Variants in TNKS observed in about 807,000 individuals in gnomAD.
TNKS encodes the protein tankyrase, also known as poly [ADP-ribose] polymerase tankyrase-1.
In TNKS, 72 loss-of-function variants were observed where a neutral mutation model predicts 135.8. The observed-to-expected ratio is 0.53, with a 90% CI of 0.44 to 0.64. TNKS has a LOEUF of 0.64. Ranked by LOEUF, TNKS falls within the 30% of genes least tolerant of loss-of-function variation. The pLI is 0.00. For missense variants in TNKS, 1,769 were observed against 1,674.0 expected, an observed-to-expected ratio of 1.06 and a Z score of -0.99; for synonymous variants, 849 against 649.3, an observed-to-expected ratio of 1.31 and a Z score of -4.68.
intron 17 of TNKS, chr8:9,741,120 T>A (rs954500145): frequency 6.6e-6 from 1 of 152,238 alleles, no homozygotes; most frequent in Non-Finnish European, 1.5e-5. Flanking sequence ...CTACATGTAA[T>A]TCTTGACCCT....
chr8:9,781,446 CCATT>C lies in TNKS; in HGVS notation c.*4713_*4716del, dbSNP rs1808453886. ...AGTTCAGGATGAAAGGCTAGAAAAC[CCATT>C]CAAAGTTAGGAAAGAACACAGATCT... On this transcript the variant is annotated 3_prime_UTR_variant, in exon 27 of 27. Transcript: ENST00000310430. 6.6e-6 allele frequency: 1 copy of C among 152,262 alleles called. No individual in the cohort carries two copies. Among genetic ancestry groups the C allele is most frequent in the African/African-American group, 2.4e-5 (1 of 41,532 alleles). The allele number at this position is 152,262 out of a possible 1,614,324, so 9.4% of individuals were successfully genotyped here.
At chr8:9,662,034 A>T (rs758460924) in intron 3 of TNKS, among the ~76,000 whole-genome samples, 3 of 152,216 alleles carry the variant, frequency 2.0e-5, no homozygotes, top group Non-Finnish European at 4.4e-5. Context: ...CAAAACCACA[A>T]TGAGATACCA....
At chr8:9,592,479 C>T (rs1225203710) in intron 2 of TNKS, among the ~76,000 whole-genome samples, 1 of 152,118 alleles carries the variant, frequency 6.6e-6, no homozygotes, top group African/African-American at 2.4e-5. Flanking sequence ...ACTTCCTGTT[C>T]TTCTTGGCGT....
intron 1 of TNKS, among the ~76,000 whole-genome samples, chr8:9,563,102 T>G (rs1199780285): frequency 6.6e-6 from 1 of 152,138 alleles, no homozygotes; most frequent in Non-Finnish European, 1.5e-5. Flanking sequence ...TTTACCATTT[T>G]AACCATTTTA....
At chr8:9,636,545 T>A (rs1317763035) in intron 3 of TNKS, among the ~76,000 whole-genome samples, 1 of 152,184 alleles carries the variant, frequency 6.6e-6, no homozygotes, top group East Asian at 1.9e-4. Flanking sequence ...AGTTAAAAGT[T>A]CCCAGGCCTC....
intron 3 of TNKS, among the ~76,000 whole-genome samples, chr8:9,668,382 C>A (rs926528071): frequency 1.3e-5 from 2 of 152,280 alleles, no homozygotes; most frequent in South Asian, 4.2e-4. Context: ...AACATACACT[C>A]AAATTTTGCC....
chr8:9,662,969 T>C (rs1801796286), intron 3 of TNKS, among the ~76,000 whole-genome samples: 1 of 152,180 alleles, frequency 6.6e-6, no homozygotes. Context: ...AATCTTGAGA[T>C]GGAGAGATTA....
At chr8:9,745,168 T>C (rs1012894375) in intron 17 of TNKS, among the ~76,000 whole-genome samples, 2 of 152,332 alleles carry the variant, frequency 1.3e-5, no homozygotes, top group East Asian at 1.9e-4. Flanking sequence ...TTTCAACATA[T>C]AGCCTTTGAA....
At chr8:9,567,339 G>C (rs531527063) in intron 1 of TNKS, among the ~76,000 whole-genome samples, 3 of 152,230 alleles carry the variant, frequency 2.0e-5, no homozygotes, top group Non-Finnish European at 4.4e-5. Context: ...AACATAAAAA[G>C]TGTGATTGGA....
At chr8:9,575,370 C>G in intron 1 of TNKS, 1 of 985,092 alleles carries the variant, frequency 1.0e-6, no homozygotes, top group Non-Finnish European at 1.2e-6. Flanking sequence ...AGCCACCGCG[C>G]CCGGCGGATA....
intron 3 of TNKS, among the ~76,000 whole-genome samples, chr8:9,659,849 TAAAG>T (rs1179449160): frequency 2.0e-5 from 3 of 151,604 alleles, no homozygotes; most frequent in Non-Finnish European, 2.9e-5. Context: ...GCGAGACTAA[TAAAG>T]AAGAAAAGAG....
At chr8:9,605,431 T>A (rs1295564160) in intron 2 of TNKS, among the ~76,000 whole-genome samples, 1 of 152,128 alleles carries the variant, frequency 6.6e-6, no homozygotes, top group East Asian at 1.9e-4. Flanking sequence ...TAAATAAACA[T>A]ATGATCATTC....
At chr8:9,682,969 C>T (rs1292879799) in intron 5 of TNKS, among the ~76,000 whole-genome samples, 2 of 151,812 alleles carry the variant, frequency 1.3e-5, no homozygotes, top group Admixed American at 6.6e-5. Flanking sequence ...AAAATGTACT[C>T]ATACTTTTTT....
At chr8:9,747,344 TC>T (rs1358089193) in intron 17 of TNKS, among the ~76,000 whole-genome samples, 2 of 152,010 alleles carry the variant, frequency 1.3e-5, no homozygotes, top group Admixed American at 1.3e-4. Context: ...CAATTTTTTT[TC>T]TTTCAAAATT....
intron 1 of TNKS, 29 bp downstream of exon 1, chr8:9,556,641 G>T (rs749113162): frequency 4.3e-6 from 7 of 1,611,636 alleles, no homozygotes; most frequent in South Asian, 1.1e-5. Flanking sequence ...GTTTATTAAG[G>T]GTTATGGGTT....
chr8:9,579,861 CT>C (rs1425246623), intron 1 of TNKS, among the ~76,000 whole-genome samples: 10 of 152,164 alleles, frequency 6.6e-5, no homozygotes, highest in Non-Finnish European at 1.3e-4. Flanking sequence ...AAGTGAGTTC[CT>C]GGATAAGTCT....
intron 2 of TNKS, among the ~76,000 whole-genome samples, chr8:9,605,738 A>G (rs4560795): frequency 0.17 from 26,036 of 151,924 alleles, 2,455 homozygotes; most frequent in East Asian, 0.29. Flanking sequence ...AGTAATTTAT[A>G]TATCTTCTTC....
At chr8:9,598,705 ATGTGTGTGTGTGTGTG>A (rs376761155) in intron 2 of TNKS, among the ~76,000 whole-genome samples, 1 of 108,170 alleles carries the variant, frequency 9.2e-6, no homozygotes, top group Non-Finnish European at 1.9e-5. Flanking sequence ...TGTCTAAAAT[ATGTGTGTGTGTGTGTG>A]TGTGTGTGTG....
At chr8:9,646,682 G>T (rs1269829462) in intron 3 of TNKS, among the ~76,000 whole-genome samples, 1 of 152,124 alleles carries the variant, frequency 6.6e-6, no homozygotes, top group African/African-American at 2.4e-5. Flanking sequence ...TAATCATACA[G>T]TGCATGGATA....
Sources: allele counts gnomAD v4.1 joint callset (sites outside exome capture counted in the v4.1 genomes callset), GRCh38; gene constraint gnomAD v4.1.1; transcripts MANE v1.5; gene names NCBI Gene and HGNC (gene_info 2026-07-23, HGNC 2026-07-21).